The following WWOX variants were observed in gnomAD, a reference collection of about 807,000 sequenced individuals.
WWOX encodes the protein WW domain containing oxidoreductase, also known as WW domain-containing oxidoreductase.
In WWOX, 69 loss-of-function variants were observed where a neutral mutation model predicts 46.2. The ratio of observed to expected loss-of-function variants is 1.49; its 90% CI spans 1.23 to 1.82. The LOEUF (loss-of-function observed/expected upper bound fraction) is 1.82, where lower values mean the gene tolerates loss of function less well. WWOX is among the 40% of genes most tolerant of loss of function. WWOX has a pLI of 0.00. For missense variants in WWOX, 919 were observed against 542.6 expected (o/e 1.69, Z -6.89); for synonymous variants, 359 against 202.6 (o/e 1.77, Z -6.56).
At chr16:78,567,210 A>G (rs962227000) in intron 8 of WWOX, among the ~76,000 whole-genome samples, 35 of 152,154 alleles carry the variant, frequency 2.3e-4, no homozygotes, top group African/African-American at 8.4e-4. Context: ...GCTTTCCCAA[A>G]GCTGAGCTGC....
intron 5 of WWOX, among the ~76,000 whole-genome samples, chr16:78,328,534 G>T (rs1395202474): frequency 6.6e-6 from 1 of 152,184 alleles, no homozygotes. Flanking sequence ...GCTGCAAAGG[G>T]TTAGTACTTT....
At chr16:79,130,263 A>G (rs1321146097) in intron 8 of WWOX, among the ~76,000 whole-genome samples, 2 of 152,192 alleles carry the variant, frequency 1.3e-5, no homozygotes, top group Admixed American at 6.5e-5. Flanking sequence ...AATAATTTCT[A>G]TATAAAGTGC....
At chr16:78,333,167 C>G (rs2080804672) in intron 5 of WWOX, among the ~76,000 whole-genome samples, 1 of 149,604 alleles carries the variant, frequency 6.7e-6, no homozygotes, top group African/African-American at 2.5e-5. Context: ...TCTCCTGCCT[C>G]AGCCTCCTGG....
intron 5 of WWOX, among the ~76,000 whole-genome samples, chr16:78,188,817 A>G (rs2035791069): frequency 6.6e-6 from 1 of 152,202 alleles, no homozygotes; most frequent in Middle Eastern, 3.4e-3. Context: ...TTTCCCTGGG[A>G]TCACTGGAAA....
In WWOX at chr16:78,713,341, G is replaced by A. The variant is rs140189647; in HGVS notation, c.1056+280589G>A. ...CCAAAACTTCTAGACAGGGCATGGT[G>A]TGAGCTGGAGTAGACAACTAGTTCA... is the stretch of plus-strand genomic sequence containing the variant. On this transcript the variant is annotated intron_variant, in intron 8 of 8. Transcript: ENST00000566780. Among the ~76,000 whole-genome samples, 11 of 148,840 alleles carry A rather than the reference G, an allele frequency of 7.4e-5. No individual in the cohort carries two copies. In the East Asian group the frequency reaches 2.0e-3, roughly 27 times the overall value.
Position 78,773,239 on chromosome 16 carries a change from G to A in WWOX, c.1056+340487G>A, listed in dbSNP as rs1201133003. On this transcript the variant is annotated intron_variant, in intron 8 of 8. Coordinates refer to ENST00000566780, the MANE Select transcript of WWOX (RefSeq NM_016373.4). ...TTTGTTCTATTAATAAGTAGAGCCC[G>A]AGTTTGTGTTCTCCGATTCCACACC... 4.6e-5 allele frequency among the ~76,000 whole-genome samples: 7 copies of A among 152,118 alleles called. No individual in the cohort carries two copies. The East Asian group carries it at 5.8e-4, about 13-fold the overall frequency.
rs960047081 is a variant in WWOX, at chr16:78,447,864, C to G, written c.1056+15112C>G. 3.9e-5 allele frequency among the ~76,000 whole-genome samples: 6 copies of G among 152,108 alleles called. No individual in the cohort carries two copies. The East Asian group carries it at 1.2e-3, about 29-fold the overall frequency. On this transcript the variant is annotated intron_variant, in intron 8 of 8. Coordinates refer to ENST00000566780, the MANE Select transcript of WWOX (RefSeq NM_016373.4). ...TGTCATCCAGGCTGAAGTGCAGTGG[C>G]ATAGTCTCTGCTTTCTACAACGTCC...
At chr16:79,037,503 C>T (rs923203842) in intron 8 of WWOX, among the ~76,000 whole-genome samples, 1 of 152,050 alleles carries the variant, frequency 6.6e-6, no homozygotes, top group African/African-American at 2.4e-5. Flanking sequence ...GTCTAGGACT[C>T]AGCAGCTGTC....
chr16:78,189,785 G>A lies in WWOX; in HGVS notation c.516+25496G>A, dbSNP rs775046198. Reference sequence around the variant, plus strand: ...TTCTCCTGGCTCAACCTCCTAAGTAGCTGGGATTACAGGCACCTGCCACCA... The same window carrying A: ...TTCTCCTGGCTCAACCTCCTAAGTAACTGGGATTACAGGCACCTGCCACCA... On this transcript the variant is annotated intron_variant, in intron 5 of 8. Transcript: ENST00000566780. Among the ~76,000 whole-genome samples the A allele has an allele frequency of 1.1e-3, 168 of 152,220 alleles. 1 individual carries two copies. Among genetic ancestry groups the A allele is most frequent in the Non-Finnish European group, 1.5e-3 (100 of 68,012 alleles).
chr16:78,273,274 T>C (rs2079515310), intron 5 of WWOX, among the ~76,000 whole-genome samples: 2 of 152,186 alleles, frequency 1.3e-5, no homozygotes, highest in South Asian at 4.1e-4. Flanking sequence ...GGCCCTAGCC[T>C]AGTTGTCCAA....
At chr16:78,968,967 A>T (rs2046416961) in intron 8 of WWOX, among the ~76,000 whole-genome samples, 1 of 151,658 alleles carries the variant, frequency 6.6e-6, no homozygotes, top group African/African-American at 2.4e-5. Flanking sequence ...TTCCACTTTC[A>T]AATGTATAAC....
chr16:78,824,804 C>A (rs2223108), intron 8 of WWOX, among the ~76,000 whole-genome samples: 2 of 151,914 alleles, frequency 1.3e-5, no homozygotes, highest in Admixed American at 6.6e-5. Context: ...CTGGGAGATA[C>A]AATTCAAGTT....
intron 5 of WWOX, among the ~76,000 whole-genome samples, chr16:78,232,219 AG>A (rs1311720900): frequency 6.6e-6 from 1 of 152,208 alleles, no homozygotes; most frequent in Non-Finnish European, 1.5e-5. Flanking sequence ...GAAGAATTTC[AG>A]GTATTTATGG....
chr16:78,730,897 C>G (rs969407631), intron 8 of WWOX, among the ~76,000 whole-genome samples: 3 of 152,084 alleles, frequency 2.0e-5, no homozygotes, highest in African/African-American at 7.2e-5. Context: ...GATGCAGAAA[C>G]TGAGTAGTGA....
chr16:78,391,466 G>A (rs747527534), intron 6 of WWOX, among the ~76,000 whole-genome samples: 9 of 152,288 alleles, frequency 5.9e-5, no homozygotes, highest in Admixed American at 1.3e-4. Context: ...AAATCTCTCT[G>A]AATCCAAAAC....
intron 6 of WWOX, among the ~76,000 whole-genome samples, chr16:78,394,811 G>C (rs140796785): frequency 1.7e-4 from 26 of 152,352 alleles, no homozygotes; most frequent in Non-Finnish European, 2.5e-4. Flanking sequence ...GCCATAGTAT[G>C]CTACCCCTGG....
intron 6 of WWOX, among the ~76,000 whole-genome samples, chr16:78,399,015 G>C (rs1035258733): frequency 2.7e-4 from 40 of 148,402 alleles, no homozygotes; most frequent in African/African-American, 9.9e-4. Flanking sequence ...TGAGTGGCTG[G>C]CTGGCTAGAT....
rs1046194926 is a variant in WWOX at position 78,480,062 on chromosome 16, G to T, written c.1056+47310G>T. Reference sequence around the variant, plus strand: ...GCAACTAGGTGGATTACAGAATTGTGCTGGGTCCTATGGAGTGTCAGAAAT... The same window carrying T: ...GCAACTAGGTGGATTACAGAATTGTTCTGGGTCCTATGGAGTGTCAGAAAT... On this transcript the variant is annotated intron_variant, in intron 8 of 8. Transcript: ENST00000566780. Among the ~76,000 whole-genome samples, 3 of 152,214 alleles carry T rather than the reference G, an allele frequency of 2.0e-5. No individual in the cohort carries two copies. The South Asian group carries it at 6.2e-4, about 31-fold the overall frequency.
chr16:79,052,165 A>G (rs1038496085), intron 8 of WWOX, among the ~76,000 whole-genome samples: 2 of 151,614 alleles, frequency 1.3e-5, no homozygotes, highest in African/African-American at 4.9e-5. Flanking sequence ...CATTAGGTAT[A>G]TCTCCCAATG....
Sources: gnomAD v4.1 joint callset for allele counts (sites outside exome capture counted in the v4.1 genomes callset) on GRCh38, gnomAD v4.1.1 for gene constraint, MANE v1.5 for transcripts, NCBI Gene and HGNC (gene_info 2026-07-23, HGNC 2026-07-21) for gene names.